GLDC: variants seen among roughly 807,000 people sequenced by gnomAD.
GLDC encodes the protein glycine decarboxylase.
In GLDC, 104 loss-of-function variants were observed where a neutral mutation model predicts 121.3. That is an observed-to-expected ratio of 0.86 (90% CI 0.73 to 1.01). The LOEUF (loss-of-function observed/expected upper bound fraction) is 1.01. Among genes scored for constraint, GLDC ranks in the 50% least tolerant of loss-of-function variants. The pLI is 0.00. For missense variants in GLDC, 1,429 were observed against 1,306.6 expected, an observed-to-expected ratio of 1.09 and a Z score of -1.44; for synonymous variants, 546 against 480.6, an observed-to-expected ratio of 1.14 and a Z score of -1.78.
At chr9:6,552,027 C>T (rs913550096) in intron 20 of GLDC, among the ~76,000 whole-genome samples, 15 of 152,112 alleles carry the variant, frequency 9.9e-5, no homozygotes, top group African/African-American at 3.4e-4. Context: ...CTAAGGATTT[C>T]GTGCAGGCTA....
intron 18 of GLDC, among the ~76,000 whole-genome samples, chr9:6,555,598 A>G (rs1352327955): frequency 6.6e-6 from 1 of 151,978 alleles, no homozygotes; most frequent in Non-Finnish European, 1.5e-5. Context: ...GTGAAACCCC[A>G]TCTCTACTAA....
chr9:6,605,070 G>C (rs143252088), intron 6 of GLDC, 61 bp downstream of exon 6: 1 of 1,421,910 alleles, frequency 7.0e-7, no homozygotes, highest in African/African-American at 1.4e-5. Flanking sequence ...GAGAGAGATA[G>C]GTAGACAGAT....
At chr9:6,547,460 T>C (rs1817418970) in intron 21 of GLDC, among the ~76,000 whole-genome samples, 1 of 152,170 alleles carries the variant, frequency 6.6e-6, no homozygotes, top group South Asian at 2.1e-4. Context: ...TGTTCTTCTG[T>C]CTAGTTCTCA....
chr9:6,594,253 T>C (rs543170775), intron 9 of GLDC, among the ~76,000 whole-genome samples: 104 of 152,324 alleles, frequency 6.8e-4, no homozygotes, highest in African/African-American at 2.4e-3. Flanking sequence ...ATTTGTATAC[T>C]TATTTCTTTT....
chr9:6,577,408 A>T (rs1024580339), intron 15 of GLDC, among the ~76,000 whole-genome samples: 5 of 152,218 alleles, frequency 3.3e-5, no homozygotes, highest in Non-Finnish European at 7.3e-5. Context: ...CTTCAAAGCC[A>T]ACCTTATCCC....
intron 15 of GLDC, among the ~76,000 whole-genome samples, chr9:6,579,306 A>AT (rs1029864949): frequency 3.3e-5 from 5 of 151,720 alleles, no homozygotes; most frequent in African/African-American, 7.2e-5. Flanking sequence ...TGGTTATACA[A>AT]TTTTTTTTCA....
intron 2 of GLDC, among the ~76,000 whole-genome samples, chr9:6,632,343 A>C (rs942413623): frequency 6.6e-6 from 1 of 152,206 alleles, no homozygotes; most frequent in Non-Finnish European, 1.5e-5. Context: ...GCTATTAAGA[A>C]AGTTGTATAA....
At chr9:6,621,657 A>G (rs1819096819) in intron 2 of GLDC, among the ~76,000 whole-genome samples, 1 of 152,110 alleles carries the variant, frequency 6.6e-6, no homozygotes, top group African/African-American at 2.4e-5. Flanking sequence ...AGCTGGGACT[A>G]CAGTCGCACA....
At chr9:6,563,213 C>T (rs1040691591) in intron 16 of GLDC, among the ~76,000 whole-genome samples, 9 of 152,218 alleles carry the variant, frequency 5.9e-5, no homozygotes, top group Admixed American at 2.0e-4. Flanking sequence ...TTGGCCTTTC[C>T]AGTTTGGTCC....
At chr9:6,602,267 A>C in intron 7 of GLDC, 62 bp from the exon 8 acceptor site, 1 of 992,602 alleles carries the variant, frequency 1.0e-6, no homozygotes, top group Non-Finnish European at 1.6e-6. Flanking sequence ...GATGCTATAA[A>C]TAGAATTACT....
At chr9:6,564,186 T>G (rs1029807313) in intron 16 of GLDC, among the ~76,000 whole-genome samples, 2 of 150,496 alleles carry the variant, frequency 1.3e-5, no homozygotes, top group South Asian at 4.2e-4. Context: ...AGGCAGAGGT[T>G]GCAATGAGCC....
intron 2 of GLDC, among the ~76,000 whole-genome samples, chr9:6,626,860 G>A (rs1819253172): frequency 6.6e-6 from 1 of 152,140 alleles, no homozygotes; most frequent in African/African-American, 2.4e-5. Context: ...CAAACAGTAA[G>A]GAAGAGAAGA....
At chr9:6,546,184 T>C (rs1300376763) in intron 21 of GLDC, among the ~76,000 whole-genome samples, 1 of 151,858 alleles carries the variant, frequency 6.6e-6, no homozygotes. Flanking sequence ...AATATCATTG[T>C]CTTCCACCTC....
chr9:6,573,213 G>C (rs1240616780), intron 15 of GLDC, among the ~76,000 whole-genome samples: 1 of 152,112 alleles, frequency 6.6e-6, no homozygotes, highest in Non-Finnish European at 1.5e-5. Flanking sequence ...CACTTTGGGA[G>C]GCTGAGGCAG....
At chr9:6,579,124 A>G (rs1325057533) in intron 15 of GLDC, among the ~76,000 whole-genome samples, 1 of 151,766 alleles carries the variant, frequency 6.6e-6, no homozygotes, top group Non-Finnish European at 1.5e-5. Flanking sequence ...GTTCTTTCTC[A>G]TTTCTTATTT....
At chr9:6,586,501 A>C (rs566876480) in intron 15 of GLDC, among the ~76,000 whole-genome samples, 3 of 152,166 alleles carry the variant, frequency 2.0e-5, no homozygotes, top group Admixed American at 2.0e-4. Context: ...GAAGAGGAGA[A>C]GGGACCTTTC....
chr9:6,561,934 T>C (rs1817767542), intron 16 of GLDC, among the ~76,000 whole-genome samples: 1 of 152,194 alleles, frequency 6.6e-6, no homozygotes, highest in Non-Finnish European at 1.5e-5. Flanking sequence ...TCTCAGGCAG[T>C]TGGGAAGAAA....
intron 3 of GLDC, among the ~76,000 whole-genome samples, chr9:6,613,395 G>A (rs535464290): frequency 6.6e-6 from 1 of 152,314 alleles, no homozygotes; most frequent in South Asian, 2.1e-4. Context: ...GGGAGGCCAA[G>A]GTGGGAGGAT....
At chr9:6,578,176 A>C (rs928128498) in intron 15 of GLDC, among the ~76,000 whole-genome samples, 9 of 151,912 alleles carry the variant, frequency 5.9e-5, no homozygotes, top group Non-Finnish European at 4.4e-5. Flanking sequence ...GCTGGGGTGC[A>C]ATGGTGTGAA....
Sources: allele counts gnomAD v4.1 joint callset (sites outside exome capture counted in the v4.1 genomes callset), GRCh38; gene constraint gnomAD v4.1.1; transcripts MANE v1.5; gene names NCBI Gene and HGNC (gene_info 2026-07-23, HGNC 2026-07-21).